ETV6: variants seen among roughly 807,000 people sequenced by gnomAD.
ETV6 encodes transcription factor ETV6.
ETV6 carries 16 observed loss-of-function variants against 51.1 expected under a neutral mutation model. That is an observed-to-expected ratio of 0.31 (90% CI 0.21 to 0.48). The LOEUF (loss-of-function observed/expected upper bound fraction) is 0.48, where lower values mean the gene tolerates loss of function less well. Ranked by LOEUF, ETV6 falls within the 20% of genes least tolerant of loss-of-function variation. The pLI is 0.99. For missense variants in ETV6, 458 were observed against 594.8 expected (o/e 0.77, Z 2.39); for synonymous variants, 240 against 224.1 (o/e 1.07, Z -0.64).
chr12:11,788,731 A>G (rs1418147538), intron 2 of ETV6, among the ~76,000 whole-genome samples: 3 of 141,688 alleles, frequency 2.1e-5, no homozygotes, highest in Middle Eastern at 3.4e-3. Flanking sequence ...ACCTCCTCCA[A>G]TTCTTAAATC....
intron 1 of ETV6, among the ~76,000 whole-genome samples, chr12:11,669,321 T>TCCTCCCTC (rs933439017): frequency 1.4e-5 from 2 of 146,994 alleles, no homozygotes; most frequent in African/African-American, 5.2e-5. Context: ...CTTCTTTCCT[T>TCCTCCCTC]CCTCCCTCCC....
chr12:11,832,378 G>C (rs1362670740), intron 2 of ETV6, among the ~76,000 whole-genome samples: 1 of 152,216 alleles, frequency 6.6e-6, no homozygotes, highest in East Asian at 1.9e-4. Flanking sequence ...TAAATGCAAG[G>C]CTCTTGGCCC....
At chr12:11,840,682 A>G (rs985028021) in intron 3 of ETV6, 6 of 332,320 alleles carry the variant, frequency 1.8e-5, no homozygotes, top group Non-Finnish European at 3.6e-5. Flanking sequence ...ATATGAAGAA[A>G]TGCTAAAGAA....
At chr12:11,882,139 A>G (rs940218928) in intron 5 of ETV6, among the ~76,000 whole-genome samples, 1 of 152,242 alleles carries the variant, frequency 6.6e-6, no homozygotes, top group African/African-American at 2.4e-5. Flanking sequence ...TTAAACACAG[A>G]TAATACAGAA....
chr12:11,717,519 A>G (rs1865299609), intron 1 of ETV6, among the ~76,000 whole-genome samples: 1 of 152,198 alleles, frequency 6.6e-6, no homozygotes, highest in Admixed American at 6.5e-5. Context: ...CAGTAACGCT[A>G]TGGGGCATGT....
intron 1 of ETV6, among the ~76,000 whole-genome samples, chr12:11,702,144 A>C (rs1359255475): frequency 6.6e-6 from 1 of 152,112 alleles, no homozygotes; most frequent in South Asian, 2.1e-4. Flanking sequence ...TGTGTGGGGC[A>C]AATGGGAAGG....
intron 2 of ETV6, among the ~76,000 whole-genome samples, chr12:11,768,146 T>TGATATGTA (rs1290334802): frequency 6.6e-6 from 1 of 152,104 alleles, no homozygotes; most frequent in Non-Finnish European, 1.5e-5. Context: ...TTTAATGTGC[T>TGATATGTA]GATATGTAGT....
chr12:11,885,129 A>G (rs765248865), intron 6 of ETV6, among the ~76,000 whole-genome samples: 2 of 152,250 alleles, frequency 1.3e-5, no homozygotes, highest in Non-Finnish European at 2.9e-5. Context: ...TTTTGCAGTA[A>G]GGAAGACTGC....
chr12:11,824,771 CAAAAAG>C lies in ETV6; in HGVS notation c.164-14352_164-14347del, dbSNP rs141446672. On this transcript the variant is annotated intron_variant, in intron 2 of 7. Transcript: ENST00000396373. ...TGAGCGACAGAGCAAGACTCCATCT[CAAAAAG>C]AAAAAGAAAAAGAAAAGGATGGGGC... Among the ~76,000 whole-genome samples, 374 of 152,080 alleles carry C rather than the reference CAAAAAG, an allele frequency of 2.5e-3. 1 individual carries two copies. The highest frequency in any genetic ancestry group is 7.8e-3 in the African/African-American group (323 of 41,470).
chr12:11,685,156 T>C (rs1864603670), intron 1 of ETV6, among the ~76,000 whole-genome samples: 1 of 152,184 alleles, frequency 6.6e-6, no homozygotes, highest in South Asian at 2.1e-4. Flanking sequence ...CCTTTTTCCC[T>C]GTTAATGCTG....
intron 2 of ETV6, among the ~76,000 whole-genome samples, chr12:11,832,410 C>G (rs1439765747): frequency 6.6e-6 from 1 of 152,100 alleles, no homozygotes; most frequent in Admixed American, 6.5e-5. Flanking sequence ...ATCCCAGGGT[C>G]GAGAACTCAG....
At chr12:11,887,247 C>A (rs1947205545) in intron 7 of ETV6, among the ~76,000 whole-genome samples, 1 of 152,146 alleles carries the variant, frequency 6.6e-6, no homozygotes, top group Non-Finnish European at 1.5e-5. Context: ...CACTCTATAC[C>A]TTTTTCGTGG....
chr12:11,754,874 T>G (rs1231424042), intron 2 of ETV6, among the ~76,000 whole-genome samples: 3 of 152,256 alleles, frequency 2.0e-5, no homozygotes, highest in Non-Finnish European at 4.4e-5. Flanking sequence ...AGGAATTCTT[T>G]TAATTCATTC....
At chr12:11,840,527 C>A in intron 3 of ETV6, 1 of 456,058 alleles carries the variant, frequency 2.2e-6, no homozygotes, top group South Asian at 1.5e-5. Context: ...TAGTCCCTAA[C>A]TACGTTCAAC....
intron 1 of ETV6, among the ~76,000 whole-genome samples, chr12:11,657,792 A>C (rs1219362569): frequency 6.6e-6 from 1 of 152,228 alleles, no homozygotes; most frequent in African/African-American, 2.4e-5. Context: ...GTGTAGTTCC[A>C]GTCACCACGT....
Position 11,704,333 on chromosome 12 carries a change from G to A in ETV6, c.34-48117G>A, listed in dbSNP as rs191833678. ...AGGGGATAGCGGAAGAAGGGGAAGA[G>A]GAGTGAGTTTACAAGGCCTTTTTTT... On this transcript the variant is annotated intron_variant, in intron 1 of 7. Coordinates refer to ENST00000396373, the MANE Select transcript of ETV6 (RefSeq NM_001987.5). Among the ~76,000 whole-genome samples, 10 of 152,174 alleles carry A rather than the reference G, an allele frequency of 6.6e-5. No individual in the cohort carries two copies. In the South Asian group the frequency reaches 1.7e-3, roughly 25 times the overall value.
Position 11,839,150 on chromosome 12 carries a change from A to C in ETV6, c.174A>C (p.Pro58=), listed in dbSNP as rs750118818. Residue 58 remains proline (P), a synonymous_variant, in exon 3 of 8, where the codon CCA becomes CCC. Transcript: ENST00000396373. ...IRLPAHLRLQ[P]IYWSRDDVAQ... ...TGCTCTCTCCAACAGGCTTGCAGCC[A>C]ATTTACTGGAGCAGGGATGACGTAG... The C allele has an allele frequency of 3.7e-6, 6 of 1,613,918 alleles. No individual in the cohort carries two copies. In the Admixed American group the frequency reaches 1.0e-4, roughly 27 times the overall value.
intron 1 of ETV6, among the ~76,000 whole-genome samples, chr12:11,654,683 G>A (rs983690411): frequency 2.6e-5 from 4 of 151,962 alleles, no homozygotes; most frequent in African/African-American, 4.8e-5. Flanking sequence ...AGGGCCTGAC[G>A]GACTTGTATT....
chr12:11,783,997 A>T (rs574574594), intron 2 of ETV6, among the ~76,000 whole-genome samples: 1 of 151,970 alleles, frequency 6.6e-6, no homozygotes, highest in South Asian at 2.1e-4. Context: ...GTTTGTATTG[A>T]TACTAATTTG....
Sources: gnomAD v4.1 joint callset for allele counts (sites outside exome capture counted in the v4.1 genomes callset) on GRCh38, gnomAD v4.1.1 for gene constraint, MANE v1.5 for transcripts, NCBI Gene and HGNC (gene_info 2026-07-23, HGNC 2026-07-21) for gene names.